TRAP1: variants seen among roughly 807,000 people sequenced by gnomAD.
TRAP1 encodes the protein heat shock protein 75 kDa, mitochondrial.
In TRAP1, 102 loss-of-function variants were observed where a neutral mutation model predicts 89.1. That is an observed-to-expected ratio of 1.15 (90% CI 0.98 to 1.35). TRAP1 has a LOEUF of 1.35. Ranked by LOEUF, TRAP1 falls within the 40% of genes most tolerant of loss-of-function variation. The pLI, the probability that TRAP1 is intolerant of heterozygous loss-of-function variation, is 0.00. For synonymous variants in TRAP1, 508 were observed against 388.0 expected (o/e 1.31, Z -3.64); for missense variants, 1,256 against 945.3 (o/e 1.33, Z -4.31).
In TRAP1 at chr16:3,675,344, T is replaced by G. The variant is rs1285026380; in HGVS notation, c.868A>C (p.Arg290=). 2 of 1,614,122 alleles carry G rather than the reference T, an allele frequency of 1.2e-6. No individual in the cohort carries two copies. The highest frequency in any genetic ancestry group is 4.5e-5 in the East Asian group (2 of 44,884). The change falls in exon 8 of 18, where the codon AGG becomes CGG. Residue 290 remains arginine, a synonymous_variant. Transcript: ENST00000246957. The stretch of plus-strand genomic sequence containing the variant: ...CTCACCTGCAAGGTGTTCATCCGCC[T>G]TCCATTCAAGTACAAGGGGAAGCTG... The part of the protein sequence containing the change: ...FVSFPLYLNG[R]RMNTLQAIWM...
chr16:3,701,253 A>G (rs2051360858), intron 1 of TRAP1, among the ~76,000 whole-genome samples: 1 of 152,228 alleles, frequency 6.6e-6, no homozygotes, highest in South Asian at 2.1e-4. Context: ...GGAAAATGTA[A>G]TCACAAGTGT....
chr16:3,686,766 C>T (rs1012379253), intron 3 of TRAP1, among the ~76,000 whole-genome samples: 4 of 152,204 alleles, frequency 2.6e-5, no homozygotes, highest in Admixed American at 2.0e-4. Context: ...AGGTCAGGAG[C>T]TCAAGACCAG....
intron 4 of TRAP1, among the ~76,000 whole-genome samples, chr16:3,681,972 A>G (rs2051078395): frequency 6.6e-6 from 1 of 152,212 alleles, no homozygotes; most frequent in Non-Finnish European, 1.5e-5. Context: ...TAAAGCTACA[A>G]TAATTAAGAC....
intron 1 of TRAP1, among the ~76,000 whole-genome samples, chr16:3,706,039 G>C (rs973916659): frequency 3.3e-5 from 5 of 150,826 alleles, no homozygotes; most frequent in Non-Finnish European, 7.4e-5. Context: ...CTCTGCAGTG[G>C]TGTAATCTCC....
chr16:3,674,609 G>T, intron 8 of TRAP1, 115 bp from the exon 9 acceptor site: 6 of 1,334,220 alleles, frequency 4.5e-6, no homozygotes, highest in Non-Finnish European at 5.1e-6. Flanking sequence ...TGGGACAGAC[G>T]GGCGGTGGTC....
intron 1 of TRAP1, among the ~76,000 whole-genome samples, chr16:3,708,630 C>G (rs2151283655): frequency 6.6e-6 from 1 of 151,386 alleles, no homozygotes; most frequent in South Asian, 2.1e-4. Flanking sequence ...GAGCGAGACT[C>G]CATCTCAAAA....
At chr16:3,659,444 A>C (rs1213795030) in intron 16 of TRAP1, 1 of 152,210 alleles carries the variant, frequency 6.6e-6, no homozygotes, top group Non-Finnish European at 1.5e-5. Context: ...GAAATGTTTC[A>C]TCATCTCAGA....
intron 1 of TRAP1, among the ~76,000 whole-genome samples, chr16:3,700,458 C>T (rs1447047027): frequency 2.6e-5 from 4 of 151,450 alleles, no homozygotes; most frequent in Non-Finnish European, 4.4e-5. Context: ...TGAGCCACCA[C>T]GCCCAGACTT....
chr16:3,663,648 G>A, intron 13 of TRAP1, 86 bp from the exon 14 acceptor site: 2 of 1,570,000 alleles, frequency 1.3e-6, no homozygotes, highest in Non-Finnish European at 1.7e-6. Flanking sequence ...GGAGGGCTGG[G>A]GGAGCCAAGC....
intron 1 of TRAP1, among the ~76,000 whole-genome samples, chr16:3,695,251 T>TAC (rs2051270465): frequency 6.6e-6 from 1 of 152,106 alleles, no homozygotes; most frequent in African/African-American, 2.4e-5. Context: ...CCAGCATATG[T>TAC]ACAGAGAATG....
At chr16:3,664,010 C>T in intron 13 of TRAP1, 1 of 400,644 alleles carries the variant, frequency 2.5e-6, no homozygotes, top group South Asian at 3.9e-5. Context: ...TTGCAGTGAG[C>T]CGAGATCGCA....
intron 1 of TRAP1, among the ~76,000 whole-genome samples, chr16:3,711,067 G>A (rs1047249726): frequency 3.3e-5 from 5 of 151,080 alleles, no homozygotes; most frequent in African/African-American, 1.2e-4. Context: ...GTAGAGATGG[G>A]GGTCTCTCTA....
intron 1 of TRAP1, among the ~76,000 whole-genome samples, chr16:3,709,656 G>C (rs113270654): frequency 2.1e-5 from 3 of 145,532 alleles, no homozygotes; most frequent in African/African-American, 8.4e-5. Flanking sequence ...CCTTTTTTTT[G>C]TGTGTGTGTG....
intron 11 of TRAP1, among the ~76,000 whole-genome samples, chr16:3,670,125 G>A (rs1429539953): frequency 6.6e-6 from 1 of 151,890 alleles, no homozygotes; most frequent in African/African-American, 2.4e-5. Context: ...GCTCAAACCC[G>A]TAATCCCAGC....
At chr16:3,700,874 T>C (rs1167210575) in intron 1 of TRAP1, among the ~76,000 whole-genome samples, 2 of 152,070 alleles carry the variant, frequency 1.3e-5, no homozygotes, top group South Asian at 2.1e-4. Context: ...ATACATTTCA[T>C]TGATAAGGAA....
intron 11 of TRAP1, 146 bp from the exon 12 acceptor site, chr16:3,666,264 G>A: frequency 9.2e-7 from 1 of 1,087,566 alleles, no homozygotes; most frequent in East Asian, 2.7e-5. Flanking sequence ...GAAAAAGACT[G>A]AGCAGAAAGA....
chr16:3,663,624 G>T (rs1448790559), intron 13 of TRAP1, 62 bp from the exon 14 acceptor site: 7 of 1,601,052 alleles, frequency 4.4e-6, no homozygotes, highest in African/African-American at 1.3e-5. Flanking sequence ...ACAGAAGAAA[G>T]GATGAGGGCG....
intron 3 of TRAP1, 139 bp from the exon 4 acceptor site, chr16:3,686,275 A>G: frequency 9.9e-7 from 1 of 1,007,152 alleles, no homozygotes; most frequent in East Asian, 2.7e-5. Flanking sequence ...TTTCTGCTTT[A>G]GTCAAAGGCA....
chr16:3,689,547 C>T (rs948828768), intron 2 of TRAP1, among the ~76,000 whole-genome samples: 1 of 152,174 alleles, frequency 6.6e-6, no homozygotes, highest in Non-Finnish European at 1.5e-5. Flanking sequence ...CAGACAGAAA[C>T]AAAGTCTGGC....
Sources: allele counts gnomAD v4.1 joint callset (sites outside exome capture counted in the v4.1 genomes callset), GRCh38; gene constraint gnomAD v4.1.1; transcripts MANE v1.5; gene names NCBI Gene and HGNC (gene_info 2026-07-23, HGNC 2026-07-21).